The following SYNPO2 variants were observed in gnomAD, a reference collection of about 807,000 sequenced individuals.
SYNPO2 encodes synaptopodin-2.
Under a neutral mutation model 85.0 loss-of-function variants are expected in SYNPO2, and 56 were observed. The observed-to-expected ratio is 0.66, with a 90% CI of 0.53 to 0.82. The LOEUF (loss-of-function observed/expected upper bound fraction) is 0.82, where lower values mean the gene tolerates loss of function less well. SYNPO2 is among the 40% of genes least tolerant of loss of function. The pLI, the probability that SYNPO2 is intolerant of heterozygous loss-of-function variation, is 0.00. For synonymous variants in SYNPO2, 602 were observed against 591.1 expected, an observed-to-expected ratio of 1.02 and a Z score of -0.27; for missense variants, 1,575 against 1,534.2, an observed-to-expected ratio of 1.03 and a Z score of -0.44.
chr4:118,923,352 A>C (rs1044065672), intron 1 of SYNPO2, among the ~76,000 whole-genome samples: 2 of 152,064 alleles, frequency 1.3e-5, no homozygotes, highest in Admixed American at 1.3e-4. Flanking sequence ...TTGAGTACAC[A>C]TGAACACAAA....
At chr4:119,038,200 C>T in intron 4 of SYNPO2, 1 of 985,294 alleles carries the variant, frequency 1.0e-6, no homozygotes, top group South Asian at 4.7e-5. Context: ...TGTGAATTTC[C>T]CAAACTGATT....
At chr4:118,880,046 C>T (rs1002676197) in intron 1 of SYNPO2, among the ~76,000 whole-genome samples, 3 of 152,142 alleles carry the variant, frequency 2.0e-5, no homozygotes, top group African/African-American at 7.2e-5. Flanking sequence ...CTTGCATCAT[C>T]ATTTCGTGAA....
At chr4:118,977,825 C>T (rs1188033980) in intron 1 of SYNPO2, among the ~76,000 whole-genome samples, 7 of 152,146 alleles carry the variant, frequency 4.6e-5, no homozygotes, top group African/African-American at 1.7e-4. Flanking sequence ...GTTAGCAATC[C>T]CACTTTTGAC....
intron 1 of SYNPO2, among the ~76,000 whole-genome samples, chr4:118,900,885 T>C (rs561013095): frequency 8.6e-5 from 13 of 151,742 alleles, no homozygotes; most frequent in Middle Eastern, 6.8e-3. Context: ...ATTAAAGACT[T>C]CATATACTTT....
chr4:119,028,265 A>T, intron 3 of SYNPO2, among the ~76,000 whole-genome samples: 1 of 144,274 alleles, frequency 6.9e-6, no homozygotes. Flanking sequence ...TTATTTGAGG[A>T]TGTAAAGGCT....
At chr4:118,873,109 T>C (rs1237193693) in intron 1 of SYNPO2, among the ~76,000 whole-genome samples, 5 of 152,140 alleles carry the variant, frequency 3.3e-5, no homozygotes, top group African/African-American at 1.2e-4. Context: ...TAAAAGGACA[T>C]TTAGGTTGAT....
intron 1 of SYNPO2, among the ~76,000 whole-genome samples, chr4:118,996,425 C>A (rs958234740): frequency 5.9e-5 from 9 of 152,076 alleles, no homozygotes; most frequent in African/African-American, 2.2e-4. Flanking sequence ...TGTCTGCCAC[C>A]CCTACTAGCC....
chr4:118,955,457 T>C (rs1488927066), intron 1 of SYNPO2, among the ~76,000 whole-genome samples: 1 of 152,214 alleles, frequency 6.6e-6, no homozygotes, highest in Non-Finnish European at 1.5e-5. Flanking sequence ...GCTGCAGATA[T>C]AGAGTATGCA....
At chr4:119,027,624 T>C (rs528195997) in intron 3 of SYNPO2, among the ~76,000 whole-genome samples, 186 bp downstream of exon 3, 3 of 152,318 alleles carry the variant, frequency 2.0e-5, no homozygotes, top group East Asian at 3.9e-4. Context: ...TAGGAAGCAA[T>C]AAGTCCGAAC....
intron 1 of SYNPO2, among the ~76,000 whole-genome samples, chr4:119,013,113 A>G (rs992252632): frequency 6.6e-6 from 1 of 152,164 alleles, no homozygotes; most frequent in Admixed American, 6.5e-5. Context: ...CCTTTTCACC[A>G]TGTTGACATT....
At chr4:118,880,462 G>A (rs1041700256) in intron 1 of SYNPO2, among the ~76,000 whole-genome samples, 7 of 152,174 alleles carry the variant, frequency 4.6e-5, no homozygotes, top group Non-Finnish European at 1.0e-4. Flanking sequence ...TCAAATCATA[G>A]AAGGTGGCTG....
chr4:118,881,544 T>G (rs1732100181), intron 1 of SYNPO2, among the ~76,000 whole-genome samples: 1 of 152,164 alleles, frequency 6.6e-6, no homozygotes, highest in Non-Finnish European at 1.5e-5. Flanking sequence ...TAATACACTT[T>G]CTTATGCCCC....
intron 1 of SYNPO2, among the ~76,000 whole-genome samples, chr4:118,930,121 A>G (rs2149132613): frequency 6.6e-6 from 1 of 152,304 alleles, no homozygotes; most frequent in African/African-American, 2.4e-5. Context: ...TGTTAGCAAT[A>G]ATGAAACTTC....
At chr4:119,001,845 G>A (rs1736835219) in intron 1 of SYNPO2, among the ~76,000 whole-genome samples, 1 of 151,562 alleles carries the variant, frequency 6.6e-6, no homozygotes. Flanking sequence ...ATACATCTGT[G>A]TTTACCTTTG....
At chr4:118,962,162 AT>A (rs1285466564) in intron 1 of SYNPO2, among the ~76,000 whole-genome samples, 1 of 152,206 alleles carries the variant, frequency 6.6e-6, no homozygotes, top group Non-Finnish European at 1.5e-5. Context: ...CTGAGAGCAG[AT>A]GAGCTCACTG....
intron 1 of SYNPO2, among the ~76,000 whole-genome samples, chr4:118,929,487 A>C (rs1463486551): frequency 1.3e-5 from 2 of 150,386 alleles, no homozygotes; most frequent in South Asian, 2.1e-4. Context: ...GAAAAAAATA[A>C]AAAAAATTTT....
intron 1 of SYNPO2, among the ~76,000 whole-genome samples, chr4:118,974,400 G>A (rs923197612): frequency 2.0e-5 from 3 of 152,254 alleles, no homozygotes; most frequent in Non-Finnish European, 4.4e-5. Flanking sequence ...GCCCAGCAGA[G>A]GCCTAGACCC....
chr4:118,944,640 C>A (rs1734435154), intron 1 of SYNPO2, among the ~76,000 whole-genome samples: 1 of 151,880 alleles, frequency 6.6e-6, no homozygotes, highest in African/African-American at 2.4e-5. Context: ...AAAAAAAACA[C>A]CCAATAATAA....
At chr4:119,051,916 T>C (rs145371768) in intron 4 of SYNPO2, among the ~76,000 whole-genome samples, 3 of 152,128 alleles carry the variant, frequency 2.0e-5, no homozygotes, top group Admixed American at 6.5e-5. Flanking sequence ...AGGGGTTGAT[T>C]ATGGCAAGGA....
Sources: gnomAD v4.1 joint callset for allele counts (sites outside exome capture counted in the v4.1 genomes callset) on GRCh38, gnomAD v4.1.1 for gene constraint, MANE v1.5 for transcripts, NCBI Gene and HGNC (gene_info 2026-07-23, HGNC 2026-07-21) for gene names.